NELFA: variants seen among roughly 807,000 people sequenced by gnomAD.
NELFA encodes negative elongation factor complex member A.
In NELFA, 35 loss-of-function variants were observed where a neutral mutation model predicts 51.8. That is an observed-to-expected ratio of 0.68 (90% confidence interval 0.52 to 0.90). The LOEUF (loss-of-function observed/expected upper bound fraction) is 0.90. Among genes scored for constraint, NELFA ranks in the 40% least tolerant of loss-of-function variants. The pLI is 0.00. For synonymous variants in NELFA, 417 were observed against 338.4 expected (o/e 1.23, Z -2.55); for missense variants, 658 against 746.4 (o/e 0.88, Z 1.38).
intron 1 of NELFA, among the ~76,000 whole-genome samples, chr4:2,006,682 C>A (rs1411502135): frequency 6.9e-6 from 1 of 145,488 alleles, no homozygotes; most frequent in Non-Finnish European, 1.5e-5. Flanking sequence ...GGAGGGAGGA[C>A]TGCTTAAGCC....
At chr4:1,986,035 GC>G in intron 6 of NELFA, 78 bp downstream of exon 6, 3 of 1,472,676 alleles carry the variant, frequency 2.0e-6, no homozygotes, top group Non-Finnish European at 2.8e-6. Context: ...TGCCCGCCGA[GC>G]GTGGGCACAA....
At chr4:2,001,004 A>C (rs1443808859) in intron 1 of NELFA, among the ~76,000 whole-genome samples, 1 of 152,244 alleles carries the variant, frequency 6.6e-6, no homozygotes, top group African/African-American at 2.4e-5. Context: ...CAAATCAACA[A>C]GCATAATCTA....
rs1245197011 is a variant in NELFA, at chr4:2,008,971, G to A, written c.-12C>T. 5 of 1,552,162 alleles carry A rather than the reference G, an allele frequency of 3.2e-6. No individual in the cohort carries two copies. The East Asian group carries it at 1.2e-4, about 38-fold the overall frequency. On this transcript the variant is annotated 5_prime_UTR_variant, in exon 1 of 11. Transcript: ENST00000382882. ...CGCATGGACGCCATCTTGGGGGAAAGCGCGCGCCGCTGCCCCGGCATCTTA... is the reference window on the plus strand; with the variant it reads ...CGCATGGACGCCATCTTGGGGGAAAACGCGCGCCGCTGCCCCGGCATCTTA...
At chr4:1,988,574 G>C (rs369434604) in intron 3 of NELFA, among the ~76,000 whole-genome samples, 6 of 152,220 alleles carry the variant, frequency 3.9e-5, no homozygotes, top group Non-Finnish European at 7.3e-5. Flanking sequence ...CCCGGACAGC[G>C]CTGGGCCCTG....
intron 7 of NELFA, 35 bp from the exon 8 acceptor site, chr4:1,984,954 G>T: frequency 6.8e-7 from 1 of 1,473,992 alleles, no homozygotes; most frequent in Non-Finnish European, 9.3e-7. Context: ...TTCCAGAAGA[G>T]GCCATGCTTC....
At chr4:2,006,690 G>A (rs893028015) in intron 1 of NELFA, among the ~76,000 whole-genome samples, 6 of 144,856 alleles carry the variant, frequency 4.1e-5, no homozygotes, top group African/African-American at 1.5e-4. Context: ...GACTGCTTAA[G>A]CCCAGGAGTT....
intron 1 of NELFA, among the ~76,000 whole-genome samples, chr4:1,999,850 C>A (rs758261766): frequency 7.2e-5 from 11 of 152,186 alleles, no homozygotes; most frequent in Non-Finnish European, 1.6e-4. Context: ...CTCAGTGCTA[C>A]GTGGCACTTA....
chr4:1,991,862 G>A (rs1357825877), intron 1 of NELFA, 147 bp from the exon 2 acceptor site: 2 of 794,040 alleles, frequency 2.5e-6, no homozygotes, highest in African/African-American at 1.8e-5. Context: ...CCCTTCCTCT[G>A]AGCCCCCCGC....
Position 1,989,784 on chromosome 4 carries a change from G to A in NELFA, c.468C>T (p.Leu156=). The change falls in exon 3 of 11, where the codon CTC becomes CTT. Residue 156 remains leucine (L), a synonymous_variant. Transcript: ENST00000382882. The surrounding 1 kb of genome is among the most constrained non-coding windows in gnomAD (Gnocchi z 4.8). ...ACTGAAAATGCTTCACCGGGGGAGT[G>A]AGGGGTCCCGCGAGGGTCGTCAGGG... ...KNALTTLAGP[L]TPPVKHFQLK... 2 of 1,614,208 alleles carry A rather than the reference G, an allele frequency of 1.2e-6. No homozygotes were observed. Among genetic ancestry groups the A allele is most frequent in the Non-Finnish European group, 1.7e-6 (2 of 1,180,036 alleles).
rs1728207904 is a variant in NELFA at position 1,989,401 on chromosome 4, C to T, written c.544+307G>A. 6.6e-6 allele frequency among the ~76,000 whole-genome samples: 1 copy of T among 152,216 alleles called. No individual in the cohort carries two copies. The highest frequency in any genetic ancestry group is 2.4e-5 in the African/African-American group (1 of 41,444). ...GGAGTGTAGTGGTGTGATCACAGCT[C>T]ACTGCAGCCTCAACCTCGTGGGCTC... On this transcript the variant is annotated intron_variant, in intron 3 of 10. Transcript: ENST00000382882. The surrounding 1 kb of genome is among the most constrained non-coding windows in gnomAD (Gnocchi z 4.8).
At chr4:1,988,306 C>T (rs1020048535) in intron 3 of NELFA, among the ~76,000 whole-genome samples, 3 of 152,252 alleles carry the variant, frequency 2.0e-5, no homozygotes, top group Non-Finnish European at 4.4e-5. Context: ...CCCTCTCCAT[C>T]GACCCGGGCC....
At chr4:1,997,461 C>T (rs952907134) in intron 1 of NELFA, among the ~76,000 whole-genome samples, 3 of 152,092 alleles carry the variant, frequency 2.0e-5, no homozygotes, top group Non-Finnish European at 2.9e-5. Flanking sequence ...TTAGGTTTAC[C>T]GCAGGAATGC....
At position 2,006,692 on chromosome 4, in the gene NELFA, C is replaced by T. The variant is rs1012855210; in HGVS notation, c.210+2058G>A. Among the ~76,000 whole-genome samples, 4 of 147,972 alleles carry T rather than the reference C, an allele frequency of 2.7e-5. No homozygotes were observed. The East Asian group carries it at 8.1e-4, about 30-fold the overall frequency. On this transcript the variant is annotated intron_variant, in intron 1 of 10. Transcript: ENST00000382882. ...GTTTAGGAGGGAGGACTGCTTAAGC[C>T]CAGGAGTTCAAGGTTAAAGTGAGCT...
intron 1 of NELFA, among the ~76,000 whole-genome samples, chr4:1,995,817 A>G (rs1438870403): frequency 6.6e-6 from 1 of 151,130 alleles, no homozygotes; most frequent in South Asian, 2.1e-4. Flanking sequence ...ATAAGCTGAG[A>G]AGGAGGAACA....
intron 2 of NELFA, among the ~76,000 whole-genome samples, chr4:1,991,250 C>A (rs960035820): frequency 6.6e-6 from 1 of 152,288 alleles, no homozygotes; most frequent in African/African-American, 2.4e-5. Context: ...ATGGGCAGAG[C>A]CCCTACCCTC....
At chr4:1,992,291 G>A (rs754414898) in intron 1 of NELFA, 45 of 244,292 alleles carry the variant, frequency 1.8e-4, no homozygotes, top group Non-Finnish European at 3.2e-4. Flanking sequence ...CTGGGAGTTG[G>A]CGCTCGTGGA....
At chr4:1,988,254 CAG>C (rs1379440066) in intron 3 of NELFA, among the ~76,000 whole-genome samples, 3 of 152,214 alleles carry the variant, frequency 2.0e-5, no homozygotes, top group Non-Finnish European at 4.4e-5. Flanking sequence ...GACCCCATGG[CAG>C]GGGGGAGGCA....
At position 1,989,788 on chromosome 4, in the gene NELFA, G is replaced by T. The variant is rs745817429; in HGVS notation, c.464C>A (p.Pro155His). Residue 155 changes from proline (P) to histidine (H), a missense_variant, in exon 3 of 11, where the codon CCC becomes CAC. This residue lies in a region of NELFA where 371 missense variants were observed against 448.3 expected (regional missense o/e 0.83). Coordinates refer to ENST00000382882, the MANE Select transcript of NELFA (RefSeq NM_005663.5). This position sits in a 1 kb window ranked among gnomAD's most constrained non-coding sequence, Gnocchi z 4.8. Reference protein sequence around the residue: ...NKNALTTLAGPLTPPVKHFQL... With the variant: ...NKNALTTLAGHLTPPVKHFQL... The stretch of plus-strand genomic sequence containing the variant: ...AAAATGCTTCACCGGGGGAGTGAGG[G>T]GTCCCGCGAGGGTCGTCAGGGCGTT... 10 of 1,614,188 alleles carry T rather than the reference G, an allele frequency of 6.2e-6. No individual in the cohort carries two copies. The highest frequency in any genetic ancestry group is 8.5e-6 in the Non-Finnish European group (10 of 1,180,044).
chr4:1,992,542 T>TGGGC (rs1270119225), intron 1 of NELFA: 1 of 368,150 alleles, frequency 2.7e-6, no homozygotes, highest in Non-Finnish European at 5.6e-6. Flanking sequence ...GTGAGACAGC[T>TGGGC]GGGCTGGCTG....
Sources: allele counts gnomAD v4.1 joint callset (sites outside exome capture counted in the v4.1 genomes callset), GRCh38; gene constraint gnomAD v4.1.1; regional missense constraint gnomAD v4.1.1; non-coding constraint Gnocchi (gnomAD v3.1); transcripts MANE v1.5; gene names NCBI Gene and HGNC (gene_info 2026-07-23, HGNC 2026-07-21).